Variants in WDPCP observed in about 807,000 individuals in gnomAD.
WDPCP encodes the protein WD repeat-containing and planar cell polarity effector protein fritz homolog.
WDPCP carries 71 observed loss-of-function variants against 93.1 expected under a neutral mutation model. The observed-to-expected ratio is 0.76, with a 90% CI of 0.63 to 0.93. The LOEUF is 0.93. Among genes scored for constraint, WDPCP ranks in the 40% least tolerant of loss-of-function variants. The pLI is 0.00. For missense variants in WDPCP, 844 were observed against 887.4 expected (o/e 0.95, Z 0.62); for synonymous variants, 315 against 315.0 (o/e 1.00, Z 0.00).
chr2:63,551,352 G>T (rs988174172), intron 1 of WDPCP, among the ~76,000 whole-genome samples: 1 of 152,110 alleles, frequency 6.6e-6, no homozygotes, highest in African/African-American at 2.4e-5. Flanking sequence ...GAGGTGTTTG[G>T]GTCATGGGGG....
chr2:63,434,405 C>T (rs899662815), intron 8 of WDPCP, among the ~76,000 whole-genome samples: 11 of 152,226 alleles, frequency 7.2e-5, no homozygotes, highest in African/African-American at 2.4e-4. Flanking sequence ...ATATATGCGA[C>T]GTATACACAT....
intron 13 of WDPCP, among the ~76,000 whole-genome samples, chr2:63,310,370 CTTTG>C (rs1482099034): frequency 6.6e-6 from 1 of 152,148 alleles, no homozygotes; most frequent in Non-Finnish European, 1.5e-5. Flanking sequence ...GAACCCACCT[CTTTG>C]TTTACTTCAC....
chr2:63,173,268 CA>C (rs10714315), intron 15 of WDPCP, among the ~76,000 whole-genome samples: 78,589 of 123,896 alleles, frequency 0.63, 22,807 homozygotes, highest in Middle Eastern at 0.71. Context: ...AACTCTGTCG[CA>C]AAAAAAAAAA....
At chr2:63,498,747 C>T (rs1483547539) in intron 1 of WDPCP, among the ~76,000 whole-genome samples, 2 of 152,136 alleles carry the variant, frequency 1.3e-5, no homozygotes, top group South Asian at 2.1e-4. Flanking sequence ...GGACAGGAAG[C>T]TTGAGGGCAA....
intron 12 of WDPCP, among the ~76,000 whole-genome samples, chr2:63,362,876 T>A (rs991482932): frequency 2.0e-5 from 3 of 152,172 alleles, no homozygotes; most frequent in African/African-American, 4.8e-5. Flanking sequence ...AGGTTACTCT[T>A]AGGCATACTT....
chr2:63,519,987 T>C (rs1481405561), intron 1 of WDPCP, among the ~76,000 whole-genome samples: 1 of 152,220 alleles, frequency 6.6e-6, no homozygotes, highest in East Asian at 1.9e-4. Flanking sequence ...ATTAAGATTA[T>C]AATAAAACAA....
chr2:63,502,779 T>TA (rs553268500), intron 1 of WDPCP, among the ~76,000 whole-genome samples: 4,895 of 143,908 alleles, frequency 0.034, 112 homozygotes, highest in African/African-American at 0.063. Flanking sequence ...GAATCTGATT[T>TA]AAAAAAAAAA....
chr2:63,727,838 A>G (rs565407686), intron 2 of WDPCP, among the ~76,000 whole-genome samples: 1 of 152,314 alleles, frequency 6.6e-6, no homozygotes, highest in African/African-American at 2.4e-5. Flanking sequence ...TTGTGTGTGT[A>G]GAGGTGCTCA....
At chr2:63,768,977 C>A (rs1463504963) in intron 2 of WDPCP, among the ~76,000 whole-genome samples, 2 of 151,986 alleles carry the variant, frequency 1.3e-5, no homozygotes, top group Non-Finnish European at 2.9e-5. Flanking sequence ...CAGCTCCCTA[C>A]AATGTACTGA....
chr2:63,150,639 G>A (rs1671825841), intron 17 of WDPCP, among the ~76,000 whole-genome samples: 1 of 152,120 alleles, frequency 6.6e-6, no homozygotes, highest in African/African-American at 2.4e-5. Flanking sequence ...CATCTCATAG[G>A]TTTGTTGTGA....
intron 2 of WDPCP, among the ~76,000 whole-genome samples, chr2:63,771,537 G>GT (rs1046995373): frequency 2.0e-4 from 30 of 148,098 alleles, no homozygotes; most frequent in Non-Finnish European, 2.7e-4. Flanking sequence ...TTGCCAACTT[G>GT]TTTTTTTTTT....
intron 12 of WDPCP, among the ~76,000 whole-genome samples, chr2:63,323,590 G>A (rs1215929327): frequency 6.6e-6 from 1 of 151,994 alleles, no homozygotes. Context: ...CTCAGGGTAT[G>A]GCCCTCCACT....
intron 6 of WDPCP, among the ~76,000 whole-genome samples, chr2:63,454,109 A>T (rs1175234319): frequency 6.7e-6 from 1 of 150,196 alleles, no homozygotes; most frequent in East Asian, 2.0e-4. Context: ...GTATAATAAA[A>T]ATATATATAT....
At chr2:63,678,832 T>C (rs1326973590) in intron 2 of WDPCP, among the ~76,000 whole-genome samples, 2 of 152,214 alleles carry the variant, frequency 1.3e-5, no homozygotes, top group African/African-American at 2.4e-5. Context: ...GTGCCTGATG[T>C]AGAGCATGCA....
At chr2:63,552,741 A>C (rs1421221364) in intron 1 of WDPCP, among the ~76,000 whole-genome samples, 1 of 152,260 alleles carries the variant, frequency 6.6e-6, no homozygotes, top group African/African-American at 2.4e-5. Context: ...GCTATAAATC[A>C]CTTAATACAG....
chr2:63,508,554 CATA>C (rs1702029736), intron 1 of WDPCP, among the ~76,000 whole-genome samples: 1 of 152,136 alleles, frequency 6.6e-6, no homozygotes, highest in African/African-American at 2.4e-5. Flanking sequence ...CAGCTAACAT[CATA>C]ATGACAGGAT....
At chr2:63,693,413 G>A (rs1345520652) in intron 2 of WDPCP, among the ~76,000 whole-genome samples, 1 of 151,550 alleles carries the variant, frequency 6.6e-6, no homozygotes, top group African/African-American at 2.4e-5. Flanking sequence ...AGAAAAGATG[G>A]CTATAGACTA....
At chr2:63,671,614 C>G (rs1710349145) in intron 2 of WDPCP, among the ~76,000 whole-genome samples, 1 of 151,942 alleles carries the variant, frequency 6.6e-6, no homozygotes, top group South Asian at 2.1e-4. Flanking sequence ...GTGGTGCGAT[C>G]TCGGCTCACT....
chr2:63,710,021 G>GA (rs932082641), intron 2 of WDPCP, among the ~76,000 whole-genome samples: 29 of 151,928 alleles, frequency 1.9e-4, no homozygotes, highest in African/African-American at 7.0e-4. Context: ...AATAAATTGA[G>GA]AAAAAAAAGC....
Sources: gnomAD v4.1 joint callset for allele counts (sites outside exome capture counted in the v4.1 genomes callset) on GRCh38, gnomAD v4.1.1 for gene constraint, MANE v1.5 for transcripts, NCBI Gene and HGNC (gene_info 2026-07-23, HGNC 2026-07-21) for gene names.